Variants in NBEA observed in about 807,000 individuals in gnomAD.
NBEA encodes the protein neurobeachin, also known as lysosomal-trafficking regulator 2.
NBEA carries 44 observed loss-of-function variants against 343.4 expected under a neutral mutation model. The ratio of observed to expected loss-of-function variants is 0.13; its 90% CI spans 0.10 to 0.16. The LOEUF is 0.16. Among genes scored for constraint, NBEA ranks in the 10% least tolerant of loss-of-function variants. The pLI, the probability that NBEA is intolerant of heterozygous loss-of-function variation, is 1.00. For missense variants in NBEA, 2,555 were observed against 3,631.3 expected, an observed-to-expected ratio of 0.70 and a Z score of 7.62; for synonymous variants, 1,175 against 1,238.7, an observed-to-expected ratio of 0.95 and a Z score of 1.08.
At chr13:35,047,718 A>T (rs904560746) in intron 4 of NBEA, among the ~76,000 whole-genome samples, 3 of 151,626 alleles carry the variant, frequency 2.0e-5, no homozygotes, top group African/African-American at 7.3e-5. Flanking sequence ...ACATGAAGAA[A>T]TTTAAATTTT....
intron 18 of NBEA, among the ~76,000 whole-genome samples, chr13:35,146,127 G>A (rs2068406068): frequency 6.6e-6 from 1 of 151,984 alleles, no homozygotes; most frequent in Non-Finnish European, 1.5e-5. Context: ...TCTGATACTG[G>A]TATCGAAAAA....
chr13:35,514,356 G>A (rs745429686), intron 41 of NBEA, among the ~76,000 whole-genome samples: 6 of 152,148 alleles, frequency 3.9e-5, no homozygotes, highest in Non-Finnish European at 7.3e-5. Flanking sequence ...TAACTCTGGA[G>A]AAAACAGCTT....
Position 35,054,979 on chromosome 13 carries a change from A to T in NBEA, c.973-1031A>T, listed in dbSNP as rs113986929. 4.0e-4 allele frequency among the ~76,000 whole-genome samples: 61 copies of T among 152,162 alleles called. 1 individual carries two copies. The highest frequency in any genetic ancestry group is 1.3e-3 in the African/African-American group (56 of 41,560). ...TTCTAAGTTGAAATGAACAAAATTG[A>T]ATTTTGCTCAAAGTATTTTAGATAC... On this transcript the variant is annotated intron_variant, in intron 6 of 58. Transcript: ENST00000379939.
intron 47 of NBEA, among the ~76,000 whole-genome samples, chr13:35,597,680 G>C (rs1308447326): frequency 6.6e-6 from 1 of 152,162 alleles, no homozygotes; most frequent in Non-Finnish European, 1.5e-5. Flanking sequence ...GGCAGGTAAA[G>C]AGGAAGCCAG....
chr13:35,073,461 A>ATAAG (rs1566241926), intron 10 of NBEA, among the ~76,000 whole-genome samples: 1 of 152,168 alleles, frequency 6.6e-6, no homozygotes, highest in Non-Finnish European at 1.5e-5. Context: ...AAGCTCAAAT[A>ATAAG]TAAGTTACTT....
intron 45 of NBEA, 64 bp downstream of exon 45, chr13:35,567,081 C>A: frequency 1.2e-6 from 1 of 850,272 alleles, no homozygotes; most frequent in South Asian, 1.5e-5. Flanking sequence ...GTATTTCTGT[C>A]AGAGTATATA....
At chr13:34,982,221 T>C (rs1033903283) in intron 1 of NBEA, among the ~76,000 whole-genome samples, 1 of 152,268 alleles carries the variant, frequency 6.6e-6, no homozygotes, top group African/African-American at 2.4e-5. Context: ...TTAGCTCATT[T>C]TACAGAATTT....
At chr13:35,090,655 GA>G (rs2065035566) in intron 10 of NBEA, among the ~76,000 whole-genome samples, 1 of 151,914 alleles carries the variant, frequency 6.6e-6, no homozygotes, top group Non-Finnish European at 1.5e-5. Context: ...TTGAGATCAA[GA>G]TGTGGGGACT....
intron 1 of NBEA, among the ~76,000 whole-genome samples, chr13:35,026,012 A>G (rs1398634021): frequency 6.6e-6 from 1 of 152,026 alleles, no homozygotes; most frequent in Non-Finnish European, 1.5e-5. Flanking sequence ...GTCCCAACCC[A>G]AGTCTCACCT....
intron 1 of NBEA, among the ~76,000 whole-genome samples, chr13:35,009,458 A>C (rs975418363): frequency 6.6e-6 from 1 of 152,144 alleles, no homozygotes. Flanking sequence ...AGCCATATGG[A>C]TATCAGTCAG....
intron 35 of NBEA, among the ~76,000 whole-genome samples, chr13:35,298,409 TA>T (rs2036303264): frequency 6.6e-6 from 1 of 151,540 alleles, no homozygotes; most frequent in African/African-American, 2.4e-5. Flanking sequence ...TCTACAGCAC[TA>T]ATGTTCTTAT....
At chr13:35,341,729 G>A (rs755708267) in intron 36 of NBEA, among the ~76,000 whole-genome samples, 39 of 152,130 alleles carry the variant, frequency 2.6e-4, no homozygotes, top group Non-Finnish European at 3.4e-4. Flanking sequence ...ACAACAACAA[G>A]TGTTGGCCAG....
chr13:35,310,047 G>A (rs770578899), intron 36 of NBEA, among the ~76,000 whole-genome samples: 4 of 151,484 alleles, frequency 2.6e-5, no homozygotes, highest in Non-Finnish European at 5.9e-5. Flanking sequence ...TATCTGTCTC[G>A]GTTAGAAATT....
At chr13:35,315,020 G>A (rs1432779410) in intron 36 of NBEA, among the ~76,000 whole-genome samples, 2 of 152,266 alleles carry the variant, frequency 1.3e-5, no homozygotes, top group African/African-American at 2.4e-5. Context: ...CATTATGTGC[G>A]AAGCACAAAT....
At chr13:35,328,024 T>C (rs1463043239) in intron 36 of NBEA, among the ~76,000 whole-genome samples, 2 of 151,974 alleles carry the variant, frequency 1.3e-5, no homozygotes, top group Non-Finnish European at 2.9e-5. Context: ...CAAAATGCTT[T>C]CCTTGTGGAT....
intron 39 of NBEA, among the ~76,000 whole-genome samples, chr13:35,433,745 C>G (rs1240056971): frequency 6.6e-6 from 1 of 151,830 alleles, no homozygotes; most frequent in African/African-American, 2.4e-5. Flanking sequence ...AAAATAGCAC[C>G]TAAGGATAAT....
At chr13:35,165,159 A>AT in intron 24 of NBEA, 1 of 530,724 alleles carries the variant, frequency 1.9e-6, no homozygotes, top group Non-Finnish European at 3.9e-6. Flanking sequence ...AGAGGGAAAT[A>AT]TTTCATTTTA....
At chr13:35,164,581 G>T in intron 24 of NBEA, 72 bp downstream of exon 24, 1 of 1,461,884 alleles carries the variant, frequency 6.8e-7, no homozygotes, top group Admixed American at 2.1e-5. Flanking sequence ...TGGTGGTCTA[G>T]GCTATAAACA....
chr13:35,651,288 T>C (rs983394131), intron 52 of NBEA, among the ~76,000 whole-genome samples: 11 of 152,170 alleles, frequency 7.2e-5, no homozygotes, highest in East Asian at 3.9e-4. Flanking sequence ...TTCCATTTAC[T>C]TGTCACATGT....
Sources: gnomAD v4.1 joint callset for allele counts (sites outside exome capture counted in the v4.1 genomes callset) on GRCh38, gnomAD v4.1.1 for gene constraint, MANE v1.5 for transcripts, NCBI Gene and HGNC (gene_info 2026-07-23, HGNC 2026-07-21) for gene names.